FGF12: variants seen among roughly 807,000 people sequenced by gnomAD.
FGF12 encodes fibroblast growth factor 12, also known as fibroblast growth factor 12B.
Under a neutral mutation model 23.6 loss-of-function variants are expected in FGF12, and 14 were observed. That is an observed-to-expected ratio of 0.59 (90% CI 0.39 to 0.93). The LOEUF (loss-of-function observed/expected upper bound fraction) is 0.93, where lower values mean the gene tolerates loss of function less well. Ranked by LOEUF, FGF12 falls within the 40% of genes least tolerant of loss-of-function variation. The pLI is 0.00. For synonymous variants in FGF12, 62 were observed against 77.3 expected (o/e 0.80, Z 1.04); for missense variants, 175 against 217.8 (o/e 0.80, Z 1.24).
At chr3:192,294,723 T>G (rs1353812052) in intron 4 of FGF12, among the ~76,000 whole-genome samples, 1 of 152,176 alleles carries the variant, frequency 6.6e-6, no homozygotes, top group Non-Finnish European at 1.5e-5. Context: ...AGGGAAAAGT[T>G]TTGCAACTAT....
At chr3:192,537,379 C>T (rs1019181493) in intron 2 of FGF12, among the ~76,000 whole-genome samples, 6 of 152,112 alleles carry the variant, frequency 3.9e-5, no homozygotes, top group South Asian at 2.1e-4. Context: ...AACCTCCAAA[C>T]GATTTTCCAT....
intron 2 of FGF12, among the ~76,000 whole-genome samples, chr3:192,581,504 AT>A (rs1713156834): frequency 6.7e-6 from 1 of 149,080 alleles, no homozygotes; most frequent in Non-Finnish European, 1.5e-5. Context: ...ATATATATAT[AT>A]ATATACAGGA....
At chr3:192,650,207 C>T (rs1241277053) in intron 2 of FGF12, among the ~76,000 whole-genome samples, 2 of 152,222 alleles carry the variant, frequency 1.3e-5, no homozygotes, top group African/African-American at 4.8e-5. Context: ...CTGCAGAATA[C>T]TTTAAACATT....
intron 4 of FGF12, among the ~76,000 whole-genome samples, chr3:192,239,519 G>A (rs1457966177): frequency 1.3e-5 from 2 of 152,266 alleles, no homozygotes; most frequent in East Asian, 1.9e-4. Context: ...GCCACAGACT[G>A]GTACTGGTCT....
chr3:192,719,324 G>C (rs1260955513), intron 2 of FGF12, among the ~76,000 whole-genome samples: 2 of 152,166 alleles, frequency 1.3e-5, no homozygotes, highest in Non-Finnish European at 2.9e-5. Flanking sequence ...CATTTTAAAA[G>C]ACTGGCACTG....
At chr3:192,339,148 T>C (rs1043459810) in intron 3 of FGF12, among the ~76,000 whole-genome samples, 1 of 152,182 alleles carries the variant, frequency 6.6e-6, no homozygotes, top group African/African-American at 2.4e-5. Context: ...CAGTAAACGA[T>C]TTGAAACGAG....
chr3:192,247,223 G>A (rs1297430904), intron 4 of FGF12, among the ~76,000 whole-genome samples: 1 of 152,088 alleles, frequency 6.6e-6, no homozygotes, highest in Non-Finnish European at 1.5e-5. Context: ...CAAATCTGTA[G>A]GCATGCTTGC....
chr3:192,468,625 T>A (rs1723075663), intron 2 of FGF12, among the ~76,000 whole-genome samples: 1 of 152,202 alleles, frequency 6.6e-6, no homozygotes, highest in Non-Finnish European at 1.5e-5. Context: ...TGTTAATATG[T>A]CTACTACTAG....
At chr3:192,584,563 T>G (rs2108616863) in intron 2 of FGF12, among the ~76,000 whole-genome samples, 1 of 152,158 alleles carries the variant, frequency 6.6e-6, no homozygotes, top group Admixed American at 6.5e-5. Flanking sequence ...CACATAGAGG[T>G]TTGGCTCTTT....
intron 5 of FGF12, among the ~76,000 whole-genome samples, chr3:192,167,773 T>TATATATA (rs1560175832): frequency 4.8e-4 from 6 of 12,558 alleles, no homozygotes; most frequent in African/African-American, 9.7e-4. Flanking sequence ...ATATATAAAA[T>TATATATA]TTTTTTTTTT....
At chr3:192,435,557 T>C (rs1377516402) in intron 2 of FGF12, among the ~76,000 whole-genome samples, 4 of 152,176 alleles carry the variant, frequency 2.6e-5, no homozygotes, top group Non-Finnish European at 5.9e-5. Context: ...ACCCAATTTC[T>C]GGTCCCAGAA....
In FGF12 at chr3:192,525,860, C is replaced by T. The variant is rs747073428; in HGVS notation, c.14-165322G>A. Among the ~76,000 whole-genome samples, 10 of 152,278 alleles carry T rather than the reference C, an allele frequency of 6.6e-5. No individual in the cohort carries two copies. In the East Asian group the frequency reaches 7.7e-4, roughly 12 times the overall value. ...CACCGTCTTGGCTCACTGCAACCTC[C>T]GCCTTCCAGGTTCAAGTGATGCTCC... On this transcript the variant is annotated intron_variant, in intron 2 of 5. Coordinates refer to ENST00000445105, the MANE Select transcript of FGF12 (RefSeq NM_004113.6).
At chr3:192,511,060 A>T (rs1208925665) in intron 2 of FGF12, among the ~76,000 whole-genome samples, 1 of 152,000 alleles carries the variant, frequency 6.6e-6, no homozygotes, top group African/African-American at 2.4e-5. Flanking sequence ...ACTTGATGTG[A>T]TTGTTTAGCT....
At chr3:192,221,776 A>G (rs1282699349) in intron 4 of FGF12, among the ~76,000 whole-genome samples, 1 of 152,188 alleles carries the variant, frequency 6.6e-6, no homozygotes, top group Non-Finnish European at 1.5e-5. Flanking sequence ...AGAAAATATC[A>G]CGAAAATATT....
intron 5 of FGF12, 53 bp from the exon 6 acceptor site, chr3:192,144,180 C>G: frequency 1.0e-6 from 1 of 1,004,420 alleles, no homozygotes; most frequent in South Asian, 1.4e-5. Flanking sequence ...AAATTTCCTT[C>G]AATAAGCTTT....
intron 2 of FGF12, among the ~76,000 whole-genome samples, chr3:192,714,500 T>C (rs1482887286): frequency 6.6e-6 from 1 of 150,712 alleles, no homozygotes; most frequent in African/African-American, 2.4e-5. Flanking sequence ...TATTTATAGA[T>C]CTTAAGGAAA....
intron 2 of FGF12, among the ~76,000 whole-genome samples, chr3:192,491,430 T>C (rs9830856): frequency 1.1e-3 from 170 of 152,250 alleles, no homozygotes; most frequent in African/African-American, 4.0e-3. Context: ...TGAGTTTTCA[T>C]AACCTAATAT....
intron 2 of FGF12, among the ~76,000 whole-genome samples, chr3:192,417,487 C>T (rs1721393907): frequency 6.6e-6 from 1 of 151,930 alleles, no homozygotes; most frequent in African/African-American, 2.4e-5. Context: ...ATAAGATAGA[C>T]ACTGTAAGCA....
chr3:192,556,334 C>T (rs944702048), intron 2 of FGF12, among the ~76,000 whole-genome samples: 4 of 152,058 alleles, frequency 2.6e-5, no homozygotes, highest in Non-Finnish European at 4.4e-5. Flanking sequence ...AAAAGATTTT[C>T]CATGCAAATG....
Sources: allele counts gnomAD v4.1 joint callset (sites outside exome capture counted in the v4.1 genomes callset), GRCh38; gene constraint gnomAD v4.1.1; transcripts MANE v1.5; gene names NCBI Gene and HGNC (gene_info 2026-07-23, HGNC 2026-07-21).